GABRB3: variants seen among roughly 807,000 people sequenced by gnomAD.
The protein encoded by GABRB3 is gamma-aminobutyric acid type A receptor subunit beta3, also known as gamma-aminobutyric acid receptor subunit beta-3.
GABRB3 carries 14 observed loss-of-function variants against 52.1 expected under a neutral mutation model. The observed-to-expected ratio is 0.27, with a 90% confidence interval of 0.18 to 0.42. The LOEUF is 0.42. GABRB3 is among the 10% of genes least tolerant of loss of function. The pLI, the probability that GABRB3 is intolerant of heterozygous loss-of-function variation, is 1.00. For missense variants in GABRB3, 307 were observed against 609.1 expected (o/e 0.50, Z 5.22); for synonymous variants, 260 against 232.3 (o/e 1.12, Z -1.08).
chr15:26,617,916 T>C (rs111655625), intron 4 of GABRB3, among the ~76,000 whole-genome samples: 25,867 of 151,150 alleles, frequency 0.17, 2,226 homozygotes, highest in African/African-American at 0.24. Flanking sequence ...CCATTCACAA[T>C]TGCTTCAAAG....
chr15:26,734,035 T>C (rs1422596723), intron 3 of GABRB3, among the ~76,000 whole-genome samples: 2 of 147,724 alleles, frequency 1.4e-5, no homozygotes, highest in Non-Finnish European at 3.0e-5. Flanking sequence ...TTTTTTTTTT[T>C]TTTTTTTTTT....
intron 7 of GABRB3, among the ~76,000 whole-genome samples, chr15:26,564,469 C>T (rs1890093200): frequency 6.6e-6 from 1 of 152,192 alleles, no homozygotes; most frequent in Non-Finnish European, 1.5e-5. Flanking sequence ...TGAGTCCCTC[C>T]CGCGTTGAGT....
chr15:26,723,419 C>T (rs1053694772), intron 3 of GABRB3, among the ~76,000 whole-genome samples: 3 of 152,166 alleles, frequency 2.0e-5, no homozygotes, highest in Non-Finnish European at 4.4e-5. Flanking sequence ...GTTATTTTCA[C>T]ACTAAGAAAT....
chr15:26,760,851 C>A (rs149797116), intron 3 of GABRB3, among the ~76,000 whole-genome samples: 5,016 of 127,528 alleles, frequency 0.039, 119 homozygotes, highest in South Asian at 0.052. Context: ...AAACCCACCA[C>A]AATTAATTAA....
At chr15:26,747,639 T>C (rs1374703563) in intron 3 of GABRB3, among the ~76,000 whole-genome samples, 4 of 152,242 alleles carry the variant, frequency 2.6e-5, no homozygotes, top group Non-Finnish European at 5.9e-5. Context: ...GGATTTATTA[T>C]GTGGATAACC....
chr15:26,633,941 G>A (rs965429668), intron 3 of GABRB3, among the ~76,000 whole-genome samples: 2 of 152,172 alleles, frequency 1.3e-5, no homozygotes, highest in African/African-American at 2.4e-5. Flanking sequence ...CTCTTAATTC[G>A]TTTCAAAGTG....
rs1364263905 is a variant in GABRB3 at position 26,654,207 on chromosome 15, G to A, written c.241-32673C>T. Among the ~76,000 whole-genome samples the A allele has an allele frequency of 3.3e-5, 5 of 152,254 alleles. No individual in the cohort carries two copies. The East Asian group carries it at 5.8e-4, about 18-fold the overall frequency. ...GTTGCCCAGGCTGGAGCACAGTGGCGTGATCTCAGCTCACTGCAAGCTCCG... is the reference window on the plus strand; with the variant it reads ...GTTGCCCAGGCTGGAGCACAGTGGCATGATCTCAGCTCACTGCAAGCTCCG... On this transcript the variant is annotated intron_variant, in intron 3 of 8. Coordinates refer to ENST00000311550, the MANE Select transcript of GABRB3 (RefSeq NM_000814.6).
In GABRB3 at chr15:26,544,449, G is replaced by A. The variant is rs977712215; in HGVS notation, c.*3344C>T. 4.6e-5 allele frequency: 7 copies of A among 152,430 alleles called. No homozygotes were observed. Among genetic ancestry groups the A allele is most frequent in the African/African-American group, 1.4e-4 (6 of 41,444 alleles). 9.4% of individuals were successfully genotyped at this position (152,430 alleles called of 1,614,324 possible). A position where few individuals can be genotyped will look rare whatever the true frequency, so the allele number is the denominator to read the frequency against. On this transcript the variant is annotated 3_prime_UTR_variant, in exon 9 of 9. Transcript: ENST00000311550. ...ACATGTCAAAGTTCTGGGTGCTGGC[G>A]TTAAAAACACAATATTGCAGATGTA...
At chr15:26,600,043 T>G (rs184661213) in intron 4 of GABRB3, among the ~76,000 whole-genome samples, 2 of 151,800 alleles carry the variant, frequency 1.3e-5, no homozygotes, top group Admixed American at 1.3e-4. Context: ...ATAGAATGAA[T>G]AGAAAAGAAC....
At chr15:26,589,589 T>G (rs990950205) in intron 4 of GABRB3, among the ~76,000 whole-genome samples, 1 of 151,984 alleles carries the variant, frequency 6.6e-6, no homozygotes, top group African/African-American at 2.4e-5. Flanking sequence ...CTTCTGGAAC[T>G]AAACAATCTT....
At chr15:26,761,249 G>A (rs1890814405) in intron 3 of GABRB3, among the ~76,000 whole-genome samples, 1 of 152,008 alleles carries the variant, frequency 6.6e-6, no homozygotes, top group Admixed American at 6.6e-5. Flanking sequence ...AAAAAAATTA[G>A]CCAGGTGTGG....
chr15:26,745,217 T>C (rs1328449383), intron 3 of GABRB3, among the ~76,000 whole-genome samples: 1 of 152,162 alleles, frequency 6.6e-6, no homozygotes, highest in Non-Finnish European at 1.5e-5. Flanking sequence ...ACCTTAACAC[T>C]GGGGATTACA....
chr15:26,766,616 A>G (rs1212480120), intron 3 of GABRB3, among the ~76,000 whole-genome samples: 2 of 152,206 alleles, frequency 1.3e-5, no homozygotes, highest in African/African-American at 2.4e-5. Context: ...ATTTACCATT[A>G]TCCAAGGAAA....
chr15:26,722,047 A>AT (rs1020138817), intron 3 of GABRB3, among the ~76,000 whole-genome samples: 3 of 151,912 alleles, frequency 2.0e-5, no homozygotes, highest in Admixed American at 6.6e-5. Context: ...AATGCAATCC[A>AT]TTTTTTTTAA....
chr15:26,565,855 T>C (rs1464007043), intron 7 of GABRB3, among the ~76,000 whole-genome samples: 1 of 152,192 alleles, frequency 6.6e-6, no homozygotes, highest in Non-Finnish European at 1.5e-5. Flanking sequence ...GTCTCCACTT[T>C]CATACGCCTC....
chr15:26,773,715 CG>C, upstream of GABRB3: 5 of 1,568,660 alleles, frequency 3.2e-6, no homozygotes, highest in Non-Finnish European at 4.3e-6. Context: ...TCCAGGAGCC[CG>C]GAGCACATGG....
chr15:26,712,686 T>C lies in GABRB3; in HGVS notation c.240+59716A>G, dbSNP rs115473544. On this transcript the variant is annotated intron_variant, in intron 3 of 8. Transcript: ENST00000311550. ...AGCTTGTATTACATGTCAGTGTTGC[T>C]GCAGTGTGTGGAAGGCACTGGAAAG... 8.4e-3 allele frequency among the ~76,000 whole-genome samples: 1,284 copies of C among 152,150 alleles called. 19 individuals carry two copies. The highest frequency in any genetic ancestry group is 0.029 in the African/African-American group (1,186 of 41,490).
At chr15:26,685,940 G>A (rs1023517904) in intron 3 of GABRB3, among the ~76,000 whole-genome samples, 2 of 151,956 alleles carry the variant, frequency 1.3e-5, no homozygotes, top group African/African-American at 4.8e-5. Flanking sequence ...ACGTAGCTAG[G>A]ATAAAAGGTG....
intron 3 of GABRB3, among the ~76,000 whole-genome samples, chr15:26,743,641 GT>G: frequency 6.6e-6 from 1 of 152,250 alleles, no homozygotes; most frequent in African/African-American, 2.4e-5. Context: ...AACATCATTA[GT>G]TTTTCTGTAT....
Sources: gnomAD v4.1 joint callset for allele counts (sites outside exome capture counted in the v4.1 genomes callset) on GRCh38, gnomAD v4.1.1 for gene constraint, MANE v1.5 for transcripts, NCBI Gene and HGNC (gene_info 2026-07-23, HGNC 2026-07-21) for gene names.